Variants in LRBA observed in about 807,000 individuals in gnomAD.
The protein encoded by LRBA is LPS responsive beige-like anchor protein.
Under a neutral mutation model 330.0 loss-of-function variants are expected in LRBA, and 176 were observed. That is an observed-to-expected ratio of 0.53 (90% confidence interval 0.47 to 0.60). The LOEUF is 0.60. Ranked by LOEUF, LRBA falls within the 20% of genes least tolerant of loss-of-function variation. The probability of loss-of-function intolerance (pLI) is 0.00; values close to 1 mark genes in which losing one functional copy is unlikely to be tolerated. For synonymous variants in LRBA, 1,230 were observed against 1,193.0 expected, an observed-to-expected ratio of 1.03 and a Z score of -0.64; for missense variants, 3,259 against 3,444.8, an observed-to-expected ratio of 0.95 and a Z score of 1.35.
chr4:150,868,502 G>C (rs1753020310), intron 20 of LRBA, among the ~76,000 whole-genome samples, 197 bp from the exon 21 acceptor site: 1 of 151,994 alleles, frequency 6.6e-6, no homozygotes, highest in Non-Finnish European at 1.5e-5. Flanking sequence ...AATATGAAAG[G>C]AAATTTCTTT....
intron 2 of LRBA, among the ~76,000 whole-genome samples, chr4:150,991,899 T>C (rs557652818): frequency 6.6e-6 from 1 of 152,146 alleles, no homozygotes; most frequent in Non-Finnish European, 1.5e-5. Context: ...AACACATAAT[T>C]TGAACAAGGT....
At chr4:150,906,910 T>C (rs1731394955) in intron 11 of LRBA, among the ~76,000 whole-genome samples, 1 of 151,992 alleles carries the variant, frequency 6.6e-6, no homozygotes, top group South Asian at 2.1e-4. Flanking sequence ...AAGAGAAAGA[T>C]GAGACAGTTA....
intron 37 of LRBA, among the ~76,000 whole-genome samples, chr4:150,625,482 A>C (rs1776757552): frequency 6.6e-6 from 1 of 152,146 alleles, no homozygotes; most frequent in East Asian, 1.9e-4. Context: ...TTTGTAAAAT[A>C]TTATATGCAG....
At position 150,568,288 on chromosome 4, in the gene LRBA, A is replaced by C. The variant is rs541090213; in HGVS notation, c.6330+19760T>G. Among the ~76,000 whole-genome samples, 4 of 152,304 alleles carry C rather than the reference A, an allele frequency of 2.6e-5. No individual in the cohort carries two copies. The East Asian group carries it at 5.8e-4, about 22-fold the overall frequency. On this transcript the variant is annotated intron_variant, in intron 40 of 56. Transcript: ENST00000651943. Reference sequence around the variant, plus strand: ...TTCAGATTGGGGGCCAATGTGAAACAAAGTTGAATAGGTAGGACTTTAAGG... The same window carrying C: ...TTCAGATTGGGGGCCAATGTGAAACCAAGTTGAATAGGTAGGACTTTAAGG...
At chr4:150,854,119 C>T (rs1750943842) in intron 22 of LRBA, among the ~76,000 whole-genome samples, 2 of 152,044 alleles carry the variant, frequency 1.3e-5, no homozygotes, top group Admixed American at 6.6e-5. Flanking sequence ...CATTAACTCG[C>T]CTTTACTCAT....
intron 40 of LRBA, among the ~76,000 whole-genome samples, chr4:150,528,389 T>C (rs530713717): frequency 1.3e-5 from 2 of 151,804 alleles, no homozygotes; most frequent in South Asian, 4.2e-4. Context: ...TAGTCTTAGC[T>C]ACTCGGGATG....
intron 40 of LRBA, among the ~76,000 whole-genome samples, chr4:150,578,521 A>G (rs1442520788): frequency 6.6e-6 from 1 of 152,240 alleles, no homozygotes; most frequent in Non-Finnish European, 1.5e-5. Flanking sequence ...TTTAACCATG[A>G]TAAGTAAAAA....
intron 34 of LRBA, among the ~76,000 whole-genome samples, chr4:150,783,496 G>GACAGTGC (rs1164599353): frequency 6.6e-6 from 1 of 152,162 alleles, no homozygotes; most frequent in African/African-American, 2.4e-5. Flanking sequence ...ACTGCAACAA[G>GACAGTGC]AATAAACTGA....
At chr4:150,473,879 G>A (rs1756423553) in intron 42 of LRBA, among the ~76,000 whole-genome samples, 1 of 152,106 alleles carries the variant, frequency 6.6e-6, no homozygotes, top group African/African-American at 2.4e-5. Flanking sequence ...AATAAAAAGT[G>A]CTTTATCAGA....
chr4:150,505,742 G>A (rs1760980193), intron 40 of LRBA, among the ~76,000 whole-genome samples: 1 of 152,154 alleles, frequency 6.6e-6, no homozygotes, highest in Middle Eastern at 3.2e-3. Flanking sequence ...GAGCAGAACT[G>A]AAGGAAATAG....
Position 150,494,156 on chromosome 4 carries a change from G to C in LRBA, c.6331-3121C>G, listed in dbSNP as rs1276824820. Reference sequence around the variant, plus strand: ...TGATACAAAATTCCTTGGCAAGTTAGTGGCAGAAAATGGCCTATACCCAGG... The same window carrying C: ...TGATACAAAATTCCTTGGCAAGTTACTGGCAGAAAATGGCCTATACCCAGG... On this transcript the variant is annotated intron_variant, in intron 40 of 56. Coordinates refer to ENST00000651943, the MANE Select transcript of LRBA (RefSeq NM_001364905.1). 3.9e-5 allele frequency among the ~76,000 whole-genome samples: 6 copies of C among 152,134 alleles called. No homozygotes were observed. In the East Asian group the frequency reaches 1.2e-3, roughly 29 times the overall value.
chr4:150,305,897 T>C (rs893835511), intron 52 of LRBA, among the ~76,000 whole-genome samples: 1 of 152,214 alleles, frequency 6.6e-6, no homozygotes, highest in Non-Finnish European at 1.5e-5. Context: ...AAATACCTGC[T>C]GCTCTTTTTG....
At chr4:150,489,978 G>C (rs925938703) in intron 41 of LRBA, among the ~76,000 whole-genome samples, 1 of 150,992 alleles carries the variant, frequency 6.6e-6, no homozygotes, top group Non-Finnish European at 1.5e-5. Context: ...GAATGAGGAT[G>C]AGCAAGTAAT....
At chr4:150,300,658 T>G (rs1729557094) in intron 53 of LRBA, among the ~76,000 whole-genome samples, 1 of 152,030 alleles carries the variant, frequency 6.6e-6, no homozygotes. Context: ...ACTTAATTCG[T>G]TTTTTAAAGG....
At chr4:150,685,415 T>C (rs1245743658) in intron 36 of LRBA, among the ~76,000 whole-genome samples, 3 of 22,710 alleles carry the variant, frequency 1.3e-4, no homozygotes, top group African/African-American at 4.8e-4. Context: ...TATATATATA[T>C]ATATATTTTT....
At chr4:150,803,075 A>AAAATAT (rs1553964881) in intron 33 of LRBA, among the ~76,000 whole-genome samples, 1 of 129,884 alleles carries the variant, frequency 7.7e-6, no homozygotes. Flanking sequence ...ACAAAAAAAA[A>AAAATAT]ATATATATAC....
chr4:150,930,241 A>T (rs544681709), intron 2 of LRBA, among the ~76,000 whole-genome samples: 1 of 151,556 alleles, frequency 6.6e-6, no homozygotes, highest in East Asian at 1.9e-4. Context: ...CTTGAACCTG[A>T]GTGGCAGAGA....
chr4:150,506,656 G>C (rs1761128720), intron 40 of LRBA, among the ~76,000 whole-genome samples: 8 of 152,190 alleles, frequency 5.3e-5, no homozygotes, highest in Admixed American at 5.2e-4. Flanking sequence ...CATTCCCTTT[G>C]AAAACTGGCA....
intron 37 of LRBA, among the ~76,000 whole-genome samples, chr4:150,673,762 T>C (rs1333485265): frequency 6.6e-6 from 1 of 152,196 alleles, no homozygotes; most frequent in Non-Finnish European, 1.5e-5. Context: ...TTCATAAACT[T>C]AGTATTAACA....
Sources: gnomAD v4.1 joint callset for allele counts (sites outside exome capture counted in the v4.1 genomes callset) on GRCh38, gnomAD v4.1.1 for gene constraint, MANE v1.5 for transcripts, NCBI Gene and HGNC (gene_info 2026-07-23, HGNC 2026-07-21) for gene names.